PAK1: variants seen among roughly 807,000 people sequenced by gnomAD.
PAK1 encodes the protein p21 (RAC1) activated kinase 1, also known as serine/threonine-protein kinase PAK 1.
A neutral mutation model predicts 67.4 loss-of-function variants in PAK1; 29 were observed. The observed-to-expected ratio is 0.43, with a 90% confidence interval of 0.32 to 0.59. The LOEUF (loss-of-function observed/expected upper bound fraction) is 0.59, where lower values mean the gene tolerates loss of function less well. Among genes scored for constraint, PAK1 ranks in the 20% least tolerant of loss-of-function variants. The probability of loss-of-function intolerance (pLI) is 0.07; values close to 1 mark genes in which losing one functional copy is unlikely to be tolerated. For synonymous variants in PAK1, 223 were observed against 237.4 expected (o/e 0.94, Z 0.56); for missense variants, 337 against 670.7 (o/e 0.50, Z 5.50).
intron 1 of PAK1, among the ~76,000 whole-genome samples, chr11:77,392,919 A>G (rs1288639876): frequency 6.6e-6 from 1 of 152,210 alleles, no homozygotes; most frequent in Non-Finnish European, 1.5e-5. Flanking sequence ...ATCTATGTGA[A>G]GATTAAATAA....
intron 1 of PAK1, among the ~76,000 whole-genome samples, chr11:77,432,021 A>G (rs956657208): frequency 2.6e-5 from 4 of 152,258 alleles, no homozygotes; most frequent in East Asian, 3.9e-4. Flanking sequence ...TGTCTCCTCA[A>G]TTAACGTGAA....
chr11:77,524,234 A>G, the PAK1 span, among the ~76,000 whole-genome samples: 80,137 of 152,066 alleles, frequency 0.53, 21,256 homozygotes, highest in East Asian at 0.61. Context: ...AAGGCCCATA[A>G]CCATGCCTGC....
At chr11:77,384,275 G>A (rs1348033310) in intron 2 of PAK1, among the ~76,000 whole-genome samples, 4 of 152,154 alleles carry the variant, frequency 2.6e-5, no homozygotes, top group Non-Finnish European at 5.9e-5. Context: ...AAGGCACTAA[G>A]AGCTTCGGAC....
intron 1 of PAK1, among the ~76,000 whole-genome samples, chr11:77,462,375 TACTTTCAACTTTTACTCAGGTCAG>T (rs1957392854): frequency 6.6e-6 from 1 of 151,818 alleles, no homozygotes; most frequent in Non-Finnish European, 1.5e-5. Context: ...CATCAGGACA[TACTTTCAACTTTTACTCAGGTCAG>T]AGGCATTTGC....
chr11:77,481,673 CAA>C, the PAK1 span, among the ~76,000 whole-genome samples: 116 of 94,392 alleles, frequency 1.2e-3, no homozygotes, highest in Middle Eastern at 6.4e-3. Context: ...GACTCCATCT[CAA>C]AAAAAAAAAA....
chr11:77,399,254 C>G (rs1252777296), intron 1 of PAK1, among the ~76,000 whole-genome samples: 3 of 152,036 alleles, frequency 2.0e-5, no homozygotes, highest in Non-Finnish European at 4.4e-5. Flanking sequence ...AAGGCAGAAC[C>G]TAGAAAACCA....
upstream of PAK1, among the ~76,000 whole-genome samples, chr11:77,478,851 C>A (rs536920867): frequency 3.4e-5 from 5 of 148,020 alleles, no homozygotes; most frequent in Non-Finnish European, 7.4e-5. Context: ...CCGAGGTGGG[C>A]GGATCATGAG....
At chr11:77,332,256 G>A (rs1280278985) in intron 14 of PAK1, among the ~76,000 whole-genome samples, 1 of 130,678 alleles carries the variant, frequency 7.7e-6, no homozygotes. Context: ...AGACTGCAGT[G>A]AGACAAAATC....
chr11:77,392,428 A>G lies in PAK1; in HGVS notation c.93T>C (p.Ala31=). ...GTTTAGAACCATGGTTTAGGGTTCC[A>G]GCATCTTTGCTGCCGGCTCCAATCA... The part of the protein sequence containing the change: ...STMIGAGSKD[A]GTLNHGSKPL... Residue 31 remains alanine, a synonymous_variant, in exon 2 of 15, where the codon GCT becomes GCC. Transcript: ENST00000356341. 6.2e-7 allele frequency: 1 copy of G among 1,614,114 alleles called. No homozygotes were observed. Among genetic ancestry groups the G allele is most frequent in the Non-Finnish European group, 8.5e-7 (1 of 1,179,976 alleles).
chr11:77,327,268 C>T (rs1284927561), intron 14 of PAK1, among the ~76,000 whole-genome samples: 2 of 152,138 alleles, frequency 1.3e-5, no homozygotes, highest in Non-Finnish European at 2.9e-5. Context: ...CATTCAAATT[C>T]AGGAAATACA....
chr11:77,412,752 G>A (rs536759850), intron 1 of PAK1, among the ~76,000 whole-genome samples: 1 of 152,278 alleles, frequency 6.6e-6, no homozygotes, highest in African/African-American at 2.4e-5. Context: ...GAACTATTAT[G>A]TACTAGGTAC....
Position 77,408,646 on chromosome 11 carries a change from A to T in PAK1, c.-21-16105T>A, listed in dbSNP as rs535764695. Among the ~76,000 whole-genome samples, 8 of 152,018 alleles carry T rather than the reference A, an allele frequency of 5.3e-5. No homozygotes were observed. The East Asian group carries it at 1.5e-3, about 29-fold the overall frequency. ...TCTCTGCTTTCCCTCTAACTCCCCC[A>T]CTTTAAGGACAGTGCTCACAAAAAT... On this transcript the variant is annotated intron_variant, in intron 1 of 14. Transcript: ENST00000356341.
At chr11:77,525,695 C>T in the PAK1 span, among the ~76,000 whole-genome samples, 7 of 152,344 alleles carry the variant, frequency 4.6e-5, no homozygotes, top group East Asian at 1.2e-3. Context: ...GGCCTTCCCT[C>T]GACAGAAGGG....
chr11:77,464,185 C>T (rs566237503), intron 1 of PAK1, among the ~76,000 whole-genome samples: 1 of 152,298 alleles, frequency 6.6e-6, no homozygotes, highest in Admixed American at 6.5e-5. Flanking sequence ...CCATATTGAG[C>T]AGCACATCTC....
intron 1 of PAK1, among the ~76,000 whole-genome samples, chr11:77,455,556 G>A (rs931297202): frequency 1.5e-5 from 2 of 129,400 alleles, no homozygotes; most frequent in Non-Finnish European, 3.2e-5. Flanking sequence ...GTAGTTTGGG[G>A]AGTTTGTTCC....
intron 1 of PAK1, among the ~76,000 whole-genome samples, chr11:77,440,866 T>C (rs906753468): frequency 8.0e-5 from 12 of 150,608 alleles, no homozygotes; most frequent in Non-Finnish European, 1.5e-4. Flanking sequence ...CTCTACCTGC[T>C]CCTCCCACCT....
chr11:77,524,590 G>A, the PAK1 span, among the ~76,000 whole-genome samples: 7 of 152,240 alleles, frequency 4.6e-5, no homozygotes, highest in African/African-American at 1.7e-4. Context: ...GAGGGTTGGA[G>A]GAGAGAAGGG....
chr11:77,363,807 G>A (rs1300484915), intron 5 of PAK1, among the ~76,000 whole-genome samples: 2 of 152,198 alleles, frequency 1.3e-5, no homozygotes, highest in African/African-American at 4.8e-5. Flanking sequence ...ATCCAACAAA[G>A]GTCAACAAAA....
chr11:77,356,129 G>C (rs1565609834), intron 6 of PAK1: 4 of 250,632 alleles, frequency 1.6e-5, no homozygotes, highest in Non-Finnish European at 3.0e-5. Flanking sequence ...AATTCTATTA[G>C]ATAAGAATCC....
Sources: allele counts gnomAD v4.1 joint callset (sites outside exome capture counted in the v4.1 genomes callset), GRCh38; gene constraint gnomAD v4.1.1; transcripts MANE v1.5; gene names NCBI Gene and HGNC (gene_info 2026-07-23, HGNC 2026-07-21).